The following CDH10 variants were observed in gnomAD, a reference collection of about 807,000 sequenced individuals.
The protein encoded by CDH10 is cadherin-10.
A neutral mutation model predicts 73.1 loss-of-function variants in CDH10; 30 were observed. That is an observed-to-expected ratio of 0.41 (90% CI 0.31 to 0.56). CDH10 has a LOEUF of 0.56. Ranked by LOEUF, CDH10 falls within the 20% of genes least tolerant of loss-of-function variation. CDH10 has a pLI of 0.27. For missense variants in CDH10, 815 were observed against 973.7 expected (o/e 0.84, Z 2.17); for synonymous variants, 345 against 348.2 (o/e 0.99, Z 0.10).
chr5:24,623,155 C>A (rs1469213825), intron 1 of CDH10, among the ~76,000 whole-genome samples: 4 of 152,180 alleles, frequency 2.6e-5, no homozygotes, highest in African/African-American at 9.7e-5. Flanking sequence ...TGGATCAGAG[C>A]AGCCTCACAG....
rs547989838 is a variant in CDH10 at position 24,632,886 on chromosome 5, T to TTGATGA, written c.-124+11702_-124+11707dup. 9.7e-3 allele frequency among the ~76,000 whole-genome samples: 1,463 copies of TTGATGA among 151,548 alleles called. 21 individuals are homozygous for TTGATGA. Among genetic ancestry groups the TTGATGA allele is most frequent in the African/African-American group, 0.033 (1,375 of 41,362 alleles). ...CCACAACTGAAGTTTTACTCAGGTT[T>TTGATGA]TGATGATGATGATGATGATGATAAT... is the stretch of plus-strand genomic sequence containing the variant. On this transcript the variant is annotated intron_variant, in intron 1 of 11. Transcript: ENST00000264463.
chr5:24,549,140 A>G (rs1033196447), intron 2 of CDH10, among the ~76,000 whole-genome samples: 21 of 152,194 alleles, frequency 1.4e-4, no homozygotes, highest in Admixed American at 1.4e-3. Flanking sequence ...TATATAGAAT[A>G]TACACAAACT....
chr5:24,594,330 A>C (rs1223958189), intron 1 of CDH10, among the ~76,000 whole-genome samples: 2 of 151,896 alleles, frequency 1.3e-5, no homozygotes, highest in Non-Finnish European at 2.9e-5. Context: ...CCCCAGGCTG[A>C]CTATGGTAAC....
chr5:24,494,725 CTTTAA>C (rs1285958588), intron 9 of CDH10, among the ~76,000 whole-genome samples: 22 of 151,886 alleles, frequency 1.4e-4, no homozygotes, highest in African/African-American at 5.1e-4. Context: ...ACATTAAAAT[CTTTAA>C]TTAAAATGTA....
intron 5 of CDH10, among the ~76,000 whole-genome samples, chr5:24,516,246 C>T (rs550379801): frequency 4.6e-5 from 7 of 150,674 alleles, no homozygotes; most frequent in African/African-American, 1.2e-4. Flanking sequence ...AGGGAGTATC[C>T]GATGTCAATA....
intron 2 of CDH10, among the ~76,000 whole-genome samples, chr5:24,550,285 T>C (rs2111947973): frequency 6.6e-6 from 1 of 152,252 alleles, no homozygotes; most frequent in South Asian, 2.1e-4. Context: ...TCTTCTTCAA[T>C]ACAAAGTTAC....
chr5:24,578,213 G>T (rs1011660351), intron 2 of CDH10: 2 of 171,152 alleles, frequency 1.2e-5, no homozygotes, highest in Admixed American at 6.3e-5. Flanking sequence ...CAAGAAAATG[G>T]TTTTCACAAG....
intron 1 of CDH10, among the ~76,000 whole-genome samples, chr5:24,619,851 C>T (rs549344744): frequency 6.6e-6 from 1 of 152,212 alleles, no homozygotes; most frequent in East Asian, 1.9e-4. Context: ...GTCTCTGTAC[C>T]AGAAAGAGGG....
rs549270593 is a variant in CDH10 at position 24,561,841 on chromosome 5, T to G, written c.232-24167A>C. Among the ~76,000 whole-genome samples the G allele has an allele frequency of 4.6e-5, 7 of 152,244 alleles. No individual in the cohort carries two copies. In the East Asian group the frequency reaches 1.4e-3, roughly 29 times the overall value. ...ACCGCAGGACACTGATCACAGTAAT[T>G]AATTAAAGATTGGGATTCAGAACAT... On this transcript the variant is annotated intron_variant, in intron 2 of 11. Coordinates refer to ENST00000264463, the MANE Select transcript of CDH10 (RefSeq NM_006727.5).
At chr5:24,587,984 C>T (rs1746079889) in intron 2 of CDH10, among the ~76,000 whole-genome samples, 1 of 152,150 alleles carries the variant, frequency 6.6e-6, no homozygotes, top group South Asian at 2.1e-4. Flanking sequence ...GATATTATCA[C>T]AGTTTTCTGC....
At chr5:24,623,904 T>C (rs1395930621) in intron 1 of CDH10, among the ~76,000 whole-genome samples, 1 of 152,196 alleles carries the variant, frequency 6.6e-6, no homozygotes, top group Non-Finnish European at 1.5e-5. Context: ...TTTTTTGTTT[T>C]CTGAACTGTA....
At chr5:24,577,345 T>C (rs953365442) in intron 2 of CDH10, among the ~76,000 whole-genome samples, 1 of 152,158 alleles carries the variant, frequency 6.6e-6, no homozygotes, top group Admixed American at 6.5e-5. Flanking sequence ...CTTCATATTA[T>C]CCTGTAACTT....
At chr5:24,520,177 C>A (rs755199932) in intron 5 of CDH10, among the ~76,000 whole-genome samples, 3 of 151,988 alleles carry the variant, frequency 2.0e-5, no homozygotes, top group Non-Finnish European at 4.4e-5. Flanking sequence ...AGACATAGGT[C>A]ATATAGAATT....
At chr5:24,581,443 C>T (rs1745794541) in intron 2 of CDH10, among the ~76,000 whole-genome samples, 1 of 152,176 alleles carries the variant, frequency 6.6e-6, no homozygotes, top group African/African-American at 2.4e-5. Context: ...TACATCTCTT[C>T]TTTTCTGATT....
chr5:24,593,633 CAA>C lies in CDH10; in HGVS notation c.-123-22_-123-21del, dbSNP rs1259951136. ...CCAAAGCTTCAAACAAACAAACAAA[CAA>C]AAAAAGTTAGTTGACAACATTATCA... On this transcript the variant is annotated intron_variant, in intron 1 of 11. Coordinates refer to ENST00000264463, the MANE Select transcript of CDH10 (RefSeq NM_006727.5). 25 of 549,848 alleles carry C rather than the reference CAA, an allele frequency of 4.5e-5. No homozygotes were observed. Among genetic ancestry groups the C allele is most frequent in the South Asian group, 2.6e-4 (10 of 38,792 alleles). The allele number at this position is 549,848 out of a possible 1,614,324, so 34.1% of individuals were successfully genotyped here. A position where few individuals can be genotyped will look rare whatever the true frequency, so the allele number is the denominator to read the frequency against.
At chr5:24,638,357 A>T (rs116158156) in intron 1 of CDH10, among the ~76,000 whole-genome samples, 1 of 151,738 alleles carries the variant, frequency 6.6e-6, no homozygotes, top group African/African-American at 2.4e-5. Flanking sequence ...TTTTAATTGC[A>T]TACAGCAAGA....
chr5:24,604,363 TA>T lies in CDH10; in HGVS notation c.-123-10751del, dbSNP rs202114037. On this transcript the variant is annotated intron_variant, in intron 1 of 11. Transcript: ENST00000264463. ...TTCTGTCTCTAAAAATACAATACAA[TA>T]AAAAAAATTTACCAATGTGCAATAA... Among the ~76,000 whole-genome samples, 745 of 151,662 alleles carry T rather than the reference TA, an allele frequency of 4.9e-3. 24 individuals carry two copies. Among genetic ancestry groups the T allele is most frequent in the East Asian group, 7.2e-3 (37 of 5,142 alleles).
At chr5:24,604,973 T>G (rs1419525013) in intron 1 of CDH10, among the ~76,000 whole-genome samples, 1 of 152,234 alleles carries the variant, frequency 6.6e-6, no homozygotes, top group Admixed American at 6.5e-5. Flanking sequence ...TAAAGTCTTT[T>G]TTCATACTGT....
chr5:24,497,628 A>T (rs1561123365), intron 9 of CDH10, among the ~76,000 whole-genome samples: 1 of 152,234 alleles, frequency 6.6e-6, no homozygotes, highest in Admixed American at 6.5e-5. Flanking sequence ...AGTATCAAAT[A>T]ATGTCAAAAC....
Sources: gnomAD v4.1 joint callset for allele counts (sites outside exome capture counted in the v4.1 genomes callset) on GRCh38, gnomAD v4.1.1 for gene constraint, MANE v1.5 for transcripts, NCBI Gene and HGNC (gene_info 2026-07-23, HGNC 2026-07-21) for gene names.